NEK5: variants seen among roughly 807,000 people sequenced by gnomAD.
NEK5 encodes the protein serine/threonine-protein kinase Nek5.
A neutral mutation model predicts 109.2 loss-of-function variants in NEK5; 88 were observed. That is an observed-to-expected ratio of 0.81 (90% CI 0.68 to 0.96). The LOEUF (loss-of-function observed/expected upper bound fraction) is 0.96, where lower values mean the gene tolerates loss of function less well. Among genes scored for constraint, NEK5 ranks in the 40% least tolerant of loss-of-function variants. The pLI is 0.00. For missense variants in NEK5, 834 were observed against 920.7 expected (o/e 0.91, Z 1.22); for synonymous variants, 283 against 299.9 (o/e 0.94, Z 0.58).
intron 16 of NEK5, among the ~76,000 whole-genome samples, chr13:52,083,778 C>T (rs1193130579): frequency 2.0e-5 from 3 of 152,140 alleles, no homozygotes; most frequent in Non-Finnish European, 2.9e-5. Context: ...CCTCGTGATC[C>T]GCCCACCTCA....
At chr13:52,076,757 C>A (rs1020479860) in intron 17 of NEK5, among the ~76,000 whole-genome samples, 14 of 152,142 alleles carry the variant, frequency 9.2e-5, no homozygotes, top group Admixed American at 9.2e-4. Context: ...CCTCTGAGCT[C>A]CAGACTCACA....
chr13:52,115,015 CTT>C (rs765435593), intron 4 of NEK5, among the ~76,000 whole-genome samples: 7 of 141,704 alleles, frequency 4.9e-5, no homozygotes, highest in Admixed American at 7.1e-5. Context: ...ACAGAGATAC[CTT>C]TTTTTTTTTT....
intron 23 of NEK5, among the ~76,000 whole-genome samples, chr13:52,039,374 G>A (rs896264276): frequency 2.0e-5 from 3 of 152,158 alleles, no homozygotes; most frequent in African/African-American, 7.2e-5. Context: ...ATAAATTTGG[G>A]TGGACCAGTA....
At position 52,069,639 on chromosome 13, in the gene NEK5, T is replaced by C. The variant is rs140384464; in HGVS notation, c.1849+2305A>G. 7.2e-3 allele frequency among the ~76,000 whole-genome samples: 1,091 copies of C among 152,316 alleles called. 16 individuals carry two copies. Among genetic ancestry groups the C allele is most frequent in the African/African-American group, 0.025 (1,053 of 41,562 alleles). On this transcript the variant is annotated intron_variant, in intron 20 of 23. Transcript: ENST00000684899. ...TACCCTCCATGTGATGTATTTTTGG[T>C]TGATGAAAGCTTCATGCATTTGAAT... is the stretch of plus-strand genomic sequence containing the variant.
rs1954331848 is a variant in NEK5, at chr13:52,033,860, G to A, written c.*3088C>T. The A allele has an allele frequency of 1.3e-5, 2 of 152,062 alleles. No individual in the cohort carries two copies. The highest frequency in any genetic ancestry group is 2.9e-5 in the Non-Finnish European group (2 of 68,012). The allele number at this position is 152,062 out of a possible 1,614,324, so 9.4% of individuals were successfully genotyped here. ...ATGTCTGTGCCAAATCTGTCAATCA[G>A]TACAATAGAAAAGTTAATTATATAA... is the stretch of plus-strand genomic sequence containing the variant. On this transcript the variant is annotated 3_prime_UTR_variant, in exon 24 of 24. Transcript: ENST00000684899.
At chr13:52,094,872 T>C (rs73500144) in intron 12 of NEK5, among the ~76,000 whole-genome samples, 15,318 of 152,294 alleles carry the variant, frequency 0.1, 754 homozygotes, top group Non-Finnish European at 0.12. Context: ...TAAAATTTAG[T>C]TCATTAATCT....
intron 23 of NEK5, among the ~76,000 whole-genome samples, chr13:52,038,466 A>G (rs1164028759): frequency 6.6e-6 from 1 of 152,218 alleles, no homozygotes; most frequent in African/African-American, 2.4e-5. Flanking sequence ...GCCAATTTCA[A>G]GGTAATAGAT....
chr13:52,109,177 C>T (rs1032815974), intron 7 of NEK5, among the ~76,000 whole-genome samples: 1 of 152,114 alleles, frequency 6.6e-6, no homozygotes, highest in Non-Finnish European at 1.5e-5. Context: ...TTCTAAGCCC[C>T]CCAACCAACT....
intron 23 of NEK5, among the ~76,000 whole-genome samples, chr13:52,049,524 T>C (rs925957849): frequency 6.6e-6 from 1 of 151,930 alleles, no homozygotes; most frequent in Admixed American, 6.6e-5. Flanking sequence ...CCCACCAAAA[T>C]CCCAACAACG....
chr13:52,064,547 G>A (rs1478701690), intron 21 of NEK5, among the ~76,000 whole-genome samples: 1 of 151,046 alleles, frequency 6.6e-6, no homozygotes, highest in Non-Finnish European at 1.5e-5. Context: ...GGAGGTGAGG[G>A]GCACCTCTGC....
At chr13:52,060,665 C>G (rs1362630145) in intron 22 of NEK5, among the ~76,000 whole-genome samples, 1 of 152,110 alleles carries the variant, frequency 6.6e-6, no homozygotes, top group Non-Finnish European at 1.5e-5. Context: ...AAACATTTAT[C>G]AGCCTCCAAG....
In NEK5 at chr13:52,105,524, A is replaced by T. The variant is rs545511063; in HGVS notation, c.555-972T>A. On this transcript the variant is annotated intron_variant, in intron 8 of 23. Coordinates refer to ENST00000684899, the MANE Select transcript of NEK5 (RefSeq NM_001365552.1). The stretch of plus-strand genomic sequence containing the variant: ...GTGAGCCGCCTGCACCTGACCCAGG[A>T]AACAAACATGAACTTTCTAGACCTT... Among the ~76,000 whole-genome samples, 18 of 151,584 alleles carry T rather than the reference A, an allele frequency of 1.2e-4. No individual in the cohort carries two copies. The South Asian group carries it at 3.8e-3, about 32-fold the overall frequency.
At chr13:52,071,487 A>C (rs1954782665) in intron 20 of NEK5, among the ~76,000 whole-genome samples, 1 of 152,232 alleles carries the variant, frequency 6.6e-6, no homozygotes, top group Non-Finnish European at 1.5e-5. Context: ...ACTTTAATAA[A>C]TCTGCCTTTC....
At chr13:52,046,553 A>G (rs1954461353) in intron 23 of NEK5, among the ~76,000 whole-genome samples, 1 of 151,728 alleles carries the variant, frequency 6.6e-6, no homozygotes, top group Admixed American at 6.6e-5. Flanking sequence ...GTGAAACCTC[A>G]TCTCTACAAA....
intron 22 of NEK5, among the ~76,000 whole-genome samples, chr13:52,055,267 C>T (rs567506826): frequency 4.6e-4 from 70 of 151,956 alleles, no homozygotes; most frequent in Admixed American, 5.9e-4. Context: ...TAAAAAGAAA[C>T]GAGCAAAGCC....
intron 11 of NEK5, among the ~76,000 whole-genome samples, chr13:52,101,395 G>A (rs565075721): frequency 4.0e-5 from 6 of 151,414 alleles, no homozygotes; most frequent in Admixed American, 1.3e-4. Flanking sequence ...GCGAGACTCC[G>A]TCTCGGAAAA....
chr13:52,092,342 G>A (rs533183384), intron 13 of NEK5, among the ~76,000 whole-genome samples: 3 of 152,032 alleles, frequency 2.0e-5, no homozygotes, highest in African/African-American at 7.2e-5. Flanking sequence ...ACACGTAATT[G>A]TTATAAGCTT....
rs145064155 is a variant in NEK5, at chr13:52,112,250, C to A, written c.312+18G>T. On this transcript the variant is annotated intron_variant, in intron 5 of 23. Coordinates refer to ENST00000684899, the MANE Select transcript of NEK5 (RefSeq NM_001365552.1). The stretch of plus-strand genomic sequence containing the variant: ...ACCACACATACATAAAATTAAAAAG[C>A]AAATTAGAAGTTTTTACCTGATCTT... 159 of 1,469,798 alleles carry A rather than the reference C, an allele frequency of 1.1e-4. No individual in the cohort carries two copies. Among genetic ancestry groups the A allele is most frequent in the Non-Finnish European group, 1.4e-4 (152 of 1,052,516 alleles). 91.0% of individuals were successfully genotyped at this position (1,469,798 alleles called of 1,614,324 possible). A position where few individuals can be genotyped will look rare whatever the true frequency, so the allele number is the denominator to read the frequency against.
chr13:52,090,270 A>G, intron 13 of NEK5, among the ~76,000 whole-genome samples: 1 of 152,234 alleles, frequency 6.6e-6, no homozygotes, highest in Admixed American at 6.5e-5. Flanking sequence ...TGCTAAATAA[A>G]AACCGCATTT....
Sources: gnomAD v4.1 joint callset for allele counts (sites outside exome capture counted in the v4.1 genomes callset) on GRCh38, gnomAD v4.1.1 for gene constraint, MANE v1.5 for transcripts, NCBI Gene and HGNC (gene_info 2026-07-23, HGNC 2026-07-21) for gene names.